The following AKAP19 variants were observed in gnomAD, a reference collection of about 807,000 sequenced individuals.
AKAP19 encodes the protein small A-kinase anchoring protein.
At chr2:190,140,009 C>T in the AKAP19 span, among the ~76,000 whole-genome samples, 5 of 152,286 alleles carry the variant, frequency 3.3e-5, no homozygotes, top group South Asian at 8.3e-4. Flanking sequence ...TGGGTAAATA[C>T]ACCTATCCAA....
chr2:190,088,514 A>C, the AKAP19 span, among the ~76,000 whole-genome samples: 1 of 152,232 alleles, frequency 6.6e-6, no homozygotes, highest in African/African-American at 2.4e-5. Flanking sequence ...AAAAGATTAA[A>C]ATAGAGATGT....
chr2:189,894,301 C>T, the AKAP19 span, among the ~76,000 whole-genome samples: 3 of 152,140 alleles, frequency 2.0e-5, no homozygotes, highest in Non-Finnish European at 4.4e-5. Flanking sequence ...TATTATAACA[C>T]ATTTATGAAG....
the AKAP19 span, among the ~76,000 whole-genome samples, chr2:189,957,501 A>T: frequency 6.6e-6 from 1 of 152,124 alleles, no homozygotes; most frequent in Non-Finnish European, 1.5e-5. Context: ...CTAATTTATT[A>T]GTTAGTCAGC....
chr2:190,011,078 C>A, the AKAP19 span, among the ~76,000 whole-genome samples: 12 of 81,548 alleles, frequency 1.5e-4, no homozygotes, highest in Admixed American at 1.1e-3. Context: ...TTTTTTGAGA[C>A]AGTCTTTCTT....
the AKAP19 span, among the ~76,000 whole-genome samples, chr2:190,145,252 G>T: frequency 1.2e-4 from 19 of 152,314 alleles, no homozygotes; most frequent in African/African-American, 4.6e-4. Flanking sequence ...ACATGACAGA[G>T]TGAGACCTTG....
At chr2:190,037,587 G>A in the AKAP19 span, among the ~76,000 whole-genome samples, 5 of 152,186 alleles carry the variant, frequency 3.3e-5, no homozygotes, top group African/African-American at 1.2e-4. Flanking sequence ...AGTAATAAGC[G>A]AGGTAAGAAC....
the AKAP19 span, among the ~76,000 whole-genome samples, chr2:189,988,515 C>T: frequency 9.2e-5 from 14 of 152,284 alleles, no homozygotes; most frequent in African/African-American, 3.1e-4. Context: ...CAGGAATGAA[C>T]AAGGACAGTA....
the AKAP19 span, among the ~76,000 whole-genome samples, chr2:189,941,290 A>G: frequency 6.6e-6 from 1 of 152,182 alleles, no homozygotes; most frequent in African/African-American, 2.4e-5. Context: ...AAAGTATAAA[A>G]TCCACTGGTA....
At chr2:189,962,127 T>C in the AKAP19 span, among the ~76,000 whole-genome samples, 1 of 152,170 alleles carries the variant, frequency 6.6e-6, no homozygotes, top group African/African-American at 2.4e-5. Context: ...TTCCATAAGA[T>C]TATAATACAT....
chr2:190,070,619 C>CG, the AKAP19 span, among the ~76,000 whole-genome samples: 6 of 138,972 alleles, frequency 4.3e-5, no homozygotes, highest in Middle Eastern at 3.3e-3. Context: ...CTCTCTCCCC[C>CG]CCCCCTTTTT....
At chr2:190,131,124 G>A in the AKAP19 span, among the ~76,000 whole-genome samples, 1 of 152,226 alleles carries the variant, frequency 6.6e-6, no homozygotes, top group East Asian at 1.9e-4. Flanking sequence ...CTAATATTTG[G>A]TCTTTGACCC....
chr2:190,038,188 A>G, the AKAP19 span, among the ~76,000 whole-genome samples: 21 of 152,170 alleles, frequency 1.4e-4, no homozygotes, highest in African/African-American at 4.3e-4. Flanking sequence ...GGCTTCACCT[A>G]ATTTTTGGAA....
At chr2:189,923,909 C>G in the AKAP19 span, 1 of 1,611,084 alleles carries the variant, frequency 6.2e-7, no homozygotes. Context: ...CCAGATAAAA[C>G]AAAAAGTGGA....
At chr2:189,998,321 C>T in the AKAP19 span, among the ~76,000 whole-genome samples, 2 of 152,180 alleles carry the variant, frequency 1.3e-5, no homozygotes, top group Non-Finnish European at 2.9e-5. Context: ...ACTTGTCCAC[C>T]ATCTTCCCTG....
At chr2:190,139,538 C>T in the AKAP19 span, among the ~76,000 whole-genome samples, 191 of 152,228 alleles carry the variant, frequency 1.3e-3, 1 homozygote, top group African/African-American at 4.4e-3. Flanking sequence ...CCTCAGGACA[C>T]CTACAATCAT....
the AKAP19 span, among the ~76,000 whole-genome samples, chr2:190,177,821 C>A: frequency 1.3e-5 from 2 of 152,186 alleles, no homozygotes; most frequent in East Asian, 3.8e-4. This position sits in a 1 kb window ranked among gnomAD's most constrained non-coding sequence, Gnocchi z 4.6. Flanking sequence ...AATCCTCAAT[C>A]CAGCTCAGTA....
chr2:190,095,434 C>T, the AKAP19 span: 1 of 145,252 alleles, frequency 6.9e-6, no homozygotes, highest in Admixed American at 6.7e-5. Flanking sequence ...TGAGAGTGAC[C>T]TCACGAGGAG....
At chr2:190,167,593 TC>T in the AKAP19 span, among the ~76,000 whole-genome samples, 1 of 152,166 alleles carries the variant, frequency 6.6e-6, no homozygotes, top group African/African-American at 2.4e-5. Flanking sequence ...GTTAGTTACT[TC>T]CTAGATACAA....
chr2:190,093,919 C>G, the AKAP19 span, among the ~76,000 whole-genome samples: 16 of 152,224 alleles, frequency 1.1e-4, no homozygotes, highest in Non-Finnish European at 1.9e-4. Flanking sequence ...CCACTCACCT[C>G]CAACTTGGGC....
Sources: gnomAD v4.1 joint callset for allele counts (sites outside exome capture counted in the v4.1 genomes callset) on GRCh38, gnomAD v4.1.1 for gene constraint, Gnocchi (gnomAD v3.1) non-coding constraint, MANE v1.5 for transcripts, NCBI Gene and HGNC (gene_info 2026-07-23, HGNC 2026-07-21) for gene names.